SMARCAD1: variants seen among roughly 807,000 people sequenced by gnomAD.
The protein encoded by SMARCAD1 is SNF2 related chromatin remodeling ATPase with DExD box 1, also known as SWI/SNF-related matrix-associated actin-dependent regulator of chromatin subfamily A containing DEAD/H box 1.
A neutral mutation model predicts 127.1 loss-of-function variants in SMARCAD1; 25 were observed. The ratio of observed to expected loss-of-function variants is 0.20; its 90% CI spans 0.14 to 0.27. The LOEUF (loss-of-function observed/expected upper bound fraction) is 0.27. Ranked by LOEUF, SMARCAD1 falls within the 10% of genes least tolerant of loss-of-function variation. The probability of loss-of-function intolerance (pLI) is 1.00; values close to 1 mark genes in which losing one functional copy is unlikely to be tolerated. For synonymous variants in SMARCAD1, 400 were observed against 396.9 expected (o/e 1.01, Z -0.09); for missense variants, 807 against 1,206.0 (o/e 0.67, Z 4.90).
chr4:94,267,570 C>T (rs1182890674), intron 10 of SMARCAD1, among the ~76,000 whole-genome samples: 1 of 152,046 alleles, frequency 6.6e-6, no homozygotes, highest in African/African-American at 2.4e-5. Context: ...AGATTTAAAC[C>T]CAATTGAATT....
chr4:94,282,092 G>GTT (rs144409121), intron 21 of SMARCAD1, among the ~76,000 whole-genome samples: 7 of 110,982 alleles, frequency 6.3e-5, no homozygotes, highest in South Asian at 3.3e-4. Flanking sequence ...ATGCAAATAC[G>GTT]TTTTTTTGTT....
chr4:94,230,547 T>C (rs529664089), intron 3 of SMARCAD1, among the ~76,000 whole-genome samples: 1 of 152,300 alleles, frequency 6.6e-6, no homozygotes, highest in East Asian at 1.9e-4. Flanking sequence ...TAATTCTTTG[T>C]TGTGAGGTGC....
At chr4:94,217,223 T>TA (rs1314006648) in intron 2 of SMARCAD1, among the ~76,000 whole-genome samples, 12 of 152,330 alleles carry the variant, frequency 7.9e-5, no homozygotes, top group African/African-American at 2.9e-4. Context: ...GAAAGGGTGA[T>TA]ATCGTTTTCT....
chr4:94,286,901 G>A (rs573699639), intron 23 of SMARCAD1, among the ~76,000 whole-genome samples: 4 of 151,762 alleles, frequency 2.6e-5, no homozygotes, highest in African/African-American at 9.7e-5. Context: ...GTCTTGCTCT[G>A]TCGCCCAGAC....
At chr4:94,212,123 T>A (rs1742365670) in intron 2 of SMARCAD1, among the ~76,000 whole-genome samples, 1 of 152,180 alleles carries the variant, frequency 6.6e-6, no homozygotes, top group Non-Finnish European at 1.5e-5. Context: ...GAAGTAAATA[T>A]TATTGCATGA....
intron 3 of SMARCAD1, among the ~76,000 whole-genome samples, chr4:94,229,919 C>A (rs1745579262): frequency 6.6e-6 from 1 of 151,448 alleles, no homozygotes; most frequent in African/African-American, 2.4e-5. Context: ...TGACTTCTAC[C>A]AGTATCAGTA....
chr4:94,278,636 C>A lies in SMARCAD1; in HGVS notation c.2199C>A (p.Pro733=). The A allele has an allele frequency of 6.2e-7, 1 of 1,613,886 alleles. No homozygotes were observed. Among genetic ancestry groups the A allele is most frequent in the Non-Finnish European group, 8.5e-7 (1 of 1,179,956 alleles). Residue 733 remains proline (P), a synonymous_variant, in exon 18 of 24, where the codon CCC becomes CCA. Coordinates refer to ENST00000354268, the MANE Select transcript of SMARCAD1 (RefSeq NM_020159.5). The part of the protein sequence containing the change: ...VKEEVLKQLP[P]KKDRIELCAM... ...CTCAGGTTCTCAAGCAGTTACCCCC[C>A]AAGAAAGATCGAATTGAGTTGTGTG... is the stretch of plus-strand genomic sequence containing the variant.
intron 10 of SMARCAD1, among the ~76,000 whole-genome samples, chr4:94,266,492 A>G (rs1236008802): frequency 6.6e-6 from 1 of 152,096 alleles, no homozygotes; most frequent in East Asian, 1.9e-4. Context: ...TCTAAAACCT[A>G]TATGGATAGT....
At chr4:94,233,616 T>G (rs1002594683) in intron 3 of SMARCAD1, among the ~76,000 whole-genome samples, 3 of 152,134 alleles carry the variant, frequency 2.0e-5, no homozygotes, top group Admixed American at 6.5e-5. Context: ...TCGTCTGACA[T>G]AGAGAGTATT....
At chr4:94,270,271 T>C (rs1367347196) in intron 10 of SMARCAD1, among the ~76,000 whole-genome samples, 12 of 152,088 alleles carry the variant, frequency 7.9e-5, no homozygotes, top group Admixed American at 3.9e-4. Flanking sequence ...TTAGGAGTGA[T>C]TGACACACAT....
At chr4:94,280,530 T>G in intron 19 of SMARCAD1, 62 bp from the exon 20 acceptor site, 97 of 1,365,102 alleles carry the variant, frequency 7.1e-5, no homozygotes, top group Non-Finnish European at 9.6e-5. Flanking sequence ...TTATTAAACT[T>G]TTCTCATCAT....
chr4:94,209,982 C>T (rs1343790502), intron 2 of SMARCAD1, among the ~76,000 whole-genome samples: 1 of 152,148 alleles, frequency 6.6e-6, no homozygotes, highest in African/African-American at 2.4e-5. Flanking sequence ...TTAGACAAGT[C>T]ATTTGAAATC....
intron 9 of SMARCAD1, among the ~76,000 whole-genome samples, chr4:94,260,075 T>A (rs1440296383): frequency 6.6e-6 from 1 of 152,182 alleles, no homozygotes; most frequent in African/African-American, 2.4e-5. Flanking sequence ...GTAAAGAAAC[T>A]GGGTCATTTG....
intron 23 of SMARCAD1, 84 bp downstream of exon 23, chr4:94,285,153 G>A: frequency 1.1e-6 from 1 of 883,072 alleles, no homozygotes; most frequent in Non-Finnish European, 1.9e-6. Flanking sequence ...TGACAAAGAT[G>A]GCTACCTTAA....
At position 94,252,694 on chromosome 4, in the gene SMARCAD1, CAACTAAAACAA is replaced by C. The variant is rs1749465511; in HGVS notation, c.979_989del (p.Lys327GlufsTer11). On this transcript the variant is annotated frameshift_variant, in exon 9 of 24. Transcript: ENST00000354268. LOFTEE classifies it high-confidence loss of function. ...AGAAGTCAAAATTACCCTAAAAATG[CAACTAAAACAA>C]AACTAAAACAGAAATTTTCAATGAA... 2 of 1,584,428 alleles carry C rather than the reference CAACTAAAACAA, an allele frequency of 1.3e-6. No individual in the cohort carries two copies. Among genetic ancestry groups the C allele is most frequent in the Non-Finnish European group, 1.7e-6 (2 of 1,168,446 alleles).
intron 3 of SMARCAD1, among the ~76,000 whole-genome samples, chr4:94,231,861 T>G (rs919191070): frequency 6.6e-6 from 1 of 152,080 alleles, no homozygotes; most frequent in East Asian, 1.9e-4. Context: ...GATTTTTCTT[T>G]TTCTTTCCTT....
At chr4:94,247,052 A>G (rs1317734301) in intron 6 of SMARCAD1, among the ~76,000 whole-genome samples, 1 of 152,222 alleles carries the variant, frequency 6.6e-6, no homozygotes, top group Non-Finnish European at 1.5e-5. Flanking sequence ...TCAAGGAGGC[A>G]TCTTACATTG....
Position 94,208,551 on chromosome 4 carries a change from A to G in SMARCAD1, c.157A>G (p.Asn53Asp), listed in dbSNP as rs756740141. ...TGCTGAAGGGGAAGTTAGCAGGGCAAACACTCCTGATTCAGATATAACTGA... is the reference window on the plus strand; with the variant it reads ...TGCTGAAGGGGAAGTTAGCAGGGCAGACACTCCTGATTCAGATATAACTGA... ...ENAEGEVSRA[N>D]TPDSDITEKT... The change falls in exon 2 of 24, where the codon AAC (asparagine) becomes GAC (aspartate). Residue 53 changes from asparagine (N) to aspartate (D), a missense_variant. By Grantham distance (23) the Asn-to-Asp change is conservative. This residue lies in a region of SMARCAD1 where 175 missense variants were observed against 169.5 expected (regional missense o/e 1.03). Coordinates refer to ENST00000354268, the MANE Select transcript of SMARCAD1 (RefSeq NM_020159.5). 3.7e-6 allele frequency: 6 copies of G among 1,614,036 alleles called. No individual in the cohort carries two copies. Among genetic ancestry groups the G allele is most frequent in the African/African-American group, 2.7e-5 (2 of 74,912 alleles).
intron 7 of SMARCAD1, among the ~76,000 whole-genome samples, chr4:94,250,098 T>A (rs1369353268): frequency 6.6e-6 from 1 of 151,978 alleles, no homozygotes; most frequent in Non-Finnish European, 1.5e-5. Flanking sequence ...TTCTTGAAAT[T>A]TCTTACAAGA....
Sources: allele counts gnomAD v4.1 joint callset (sites outside exome capture counted in the v4.1 genomes callset), GRCh38; gene constraint gnomAD v4.1.1; regional missense constraint gnomAD v4.1.1; transcripts MANE v1.5; gene names NCBI Gene and HGNC (gene_info 2026-07-23, HGNC 2026-07-21).